The following KCNIP4 variants were observed in gnomAD, a reference collection of about 807,000 sequenced individuals.
KCNIP4 encodes potassium voltage-gated channel interacting protein 4.
Under a neutral mutation model 34.0 loss-of-function variants are expected in KCNIP4, and 12 were observed. The observed-to-expected ratio is 0.35, with a 90% CI of 0.23 to 0.57. The LOEUF is 0.57. Among genes scored for constraint, KCNIP4 ranks in the 20% least tolerant of loss-of-function variants. KCNIP4 has a pLI of 0.83. For missense variants in KCNIP4, 238 were observed against 311.7 expected, an observed-to-expected ratio of 0.76 and a Z score of 1.78; for synonymous variants, 124 against 102.2, an observed-to-expected ratio of 1.21 and a Z score of -1.29.
chr4:21,670,822 A>AT (rs1230822982), intron 1 of KCNIP4, among the ~76,000 whole-genome samples: 4 of 151,700 alleles, frequency 2.6e-5, no homozygotes, highest in Non-Finnish European at 5.9e-5. Context: ...CGCCCGGCTT[A>AT]TTTTTTTGTA....
At chr4:21,361,851 A>G (rs973459939) in intron 1 of KCNIP4, among the ~76,000 whole-genome samples, 3 of 152,114 alleles carry the variant, frequency 2.0e-5, no homozygotes, top group African/African-American at 7.2e-5. Flanking sequence ...AAGAGTTCAT[A>G]TTTGTAACTA....
At chr4:21,009,932 C>G (rs571693424) in intron 1 of KCNIP4, among the ~76,000 whole-genome samples, 1 of 152,176 alleles carries the variant, frequency 6.6e-6, no homozygotes, top group Non-Finnish European at 1.5e-5. Context: ...TAACAAAATA[C>G]CAAAGACTGG....
chr4:20,994,888 G>C (rs1267842335), intron 1 of KCNIP4, among the ~76,000 whole-genome samples: 1 of 152,104 alleles, frequency 6.6e-6, no homozygotes, highest in Non-Finnish European at 1.5e-5. Flanking sequence ...TCAAAGACAT[G>C]GTAGCAATTA....
chr4:20,975,383 T>A (rs1735378875), intron 1 of KCNIP4, among the ~76,000 whole-genome samples: 1 of 152,156 alleles, frequency 6.6e-6, no homozygotes, highest in African/African-American at 2.4e-5. Flanking sequence ...AAAAAGAGTA[T>A]ATTATCAACT....
chr4:21,840,112 A>T (rs562086738), intron 1 of KCNIP4, among the ~76,000 whole-genome samples: 154 of 152,072 alleles, frequency 1.0e-3, no homozygotes, highest in African/African-American at 3.7e-3. Flanking sequence ...AGGTAAGTTC[A>T]TTATGCACAG....
At chr4:21,346,019 A>G (rs552922950) in intron 1 of KCNIP4, among the ~76,000 whole-genome samples, 1 of 145,700 alleles carries the variant, frequency 6.9e-6, no homozygotes, top group African/African-American at 2.5e-5. Context: ...AAGTGGAGAG[A>G]GGCATCCTGG....
chr4:21,284,084 G>A (rs967491532), intron 1 of KCNIP4, among the ~76,000 whole-genome samples: 1 of 151,852 alleles, frequency 6.6e-6, no homozygotes, highest in Non-Finnish European at 1.5e-5. Context: ...GTGGTGGCGG[G>A]CGCCTGTAGT....
intron 3 of KCNIP4, among the ~76,000 whole-genome samples, chr4:20,776,721 G>A (rs1341996470): frequency 1.3e-5 from 2 of 151,910 alleles, no homozygotes; most frequent in Non-Finnish European, 2.9e-5. Flanking sequence ...ACTGTGCCAG[G>A]CACTGTCCAT....
intron 1 of KCNIP4, among the ~76,000 whole-genome samples, chr4:21,390,063 C>A (rs545755898): frequency 2.7e-4 from 41 of 150,586 alleles, no homozygotes; most frequent in African/African-American, 1.0e-3. Flanking sequence ...TGATGATGAG[C>A]ATTTTTTTGT....
chr4:21,835,252 A>T (rs1723249274), intron 1 of KCNIP4, among the ~76,000 whole-genome samples: 2 of 152,302 alleles, frequency 1.3e-5, no homozygotes, highest in South Asian at 4.1e-4. Flanking sequence ...GACAAACCAG[A>T]GACAACAGAA....
rs1192292450 is a variant in KCNIP4 at position 21,036,627 on chromosome 4, G to A, written c.62-153918C>T. Among the ~76,000 whole-genome samples the A allele has an allele frequency of 1.3e-5, 2 of 152,230 alleles. 1 individual carries two copies. Among genetic ancestry groups the A allele is most frequent in the Non-Finnish European group, 2.9e-5 (2 of 68,042 alleles). ...TGTAGTCCCAGCTACTTGGGAGGCT[G>A]AGGCAGTACAATTGCTTGAATTGGG... is the stretch of plus-strand genomic sequence containing the variant. On this transcript the variant is annotated intron_variant, in intron 1 of 8. Transcript: ENST00000382152.
At chr4:21,558,435 T>C (rs940136620) in intron 1 of KCNIP4, among the ~76,000 whole-genome samples, 4 of 151,884 alleles carry the variant, frequency 2.6e-5, no homozygotes, top group African/African-American at 4.8e-5. Context: ...GAGGTTACAG[T>C]GAGCTGAGCT....
At chr4:21,762,777 A>C in intron 1 of KCNIP4, 1 of 479,084 alleles carries the variant, frequency 2.1e-6, no homozygotes, top group Non-Finnish European at 3.3e-6. Context: ...CGAGTCATCA[A>C]AACCATCTTC....
intron 1 of KCNIP4, among the ~76,000 whole-genome samples, chr4:21,945,043 G>A (rs1431569494): frequency 6.6e-6 from 1 of 151,904 alleles, no homozygotes; most frequent in Non-Finnish European, 1.5e-5. Flanking sequence ...AGGCTATTAA[G>A]TAAAAAAACA....
At chr4:20,971,187 A>T (rs1316211050) in intron 1 of KCNIP4, among the ~76,000 whole-genome samples, 1 of 152,160 alleles carries the variant, frequency 6.6e-6, no homozygotes, top group Non-Finnish European at 1.5e-5. Flanking sequence ...AGAGCATAAG[A>T]TAGGCACAGA....
chr4:21,242,107 T>C (rs553326691), intron 1 of KCNIP4, among the ~76,000 whole-genome samples: 42 of 136,124 alleles, frequency 3.1e-4, no homozygotes, highest in African/African-American at 1.1e-3. Context: ...GAGCTTGCAG[T>C]GAGCCGAGAT....
intron 1 of KCNIP4, among the ~76,000 whole-genome samples, chr4:21,323,238 C>T (rs1714689344): frequency 6.6e-6 from 1 of 150,650 alleles, no homozygotes; most frequent in Non-Finnish European, 1.5e-5. Flanking sequence ...TATCTCTAAC[C>T]TCAAGCTTTT....
intron 1 of KCNIP4, among the ~76,000 whole-genome samples, chr4:20,884,794 A>G (rs1460782355): frequency 1.3e-5 from 2 of 148,688 alleles, no homozygotes; most frequent in African/African-American, 5.0e-5. Context: ...TGCAACCTCC[A>G]GGTTCAAGCA....
At chr4:21,448,635 T>C (rs1728245959) in intron 1 of KCNIP4, among the ~76,000 whole-genome samples, 1 of 152,020 alleles carries the variant, frequency 6.6e-6, no homozygotes. Context: ...GCCTACCCAA[T>C]ATACAAAAAA....
Sources: allele counts gnomAD v4.1 joint callset (sites outside exome capture counted in the v4.1 genomes callset), GRCh38; gene constraint gnomAD v4.1.1; transcripts MANE v1.5; gene names NCBI Gene and HGNC (gene_info 2026-07-23, HGNC 2026-07-21).